GRIK1: variants seen among roughly 807,000 people sequenced by gnomAD.
GRIK1 encodes glutamate ionotropic receptor kainate type subunit 1.
In GRIK1, 69 loss-of-function variants were observed where a neutral mutation model predicts 105.7. The ratio of observed to expected loss-of-function variants is 0.65; its 90% CI spans 0.54 to 0.80. The LOEUF (loss-of-function observed/expected upper bound fraction) is 0.80, where lower values mean the gene tolerates loss of function less well. GRIK1 is among the 30% of genes least tolerant of loss of function. The pLI, the probability that GRIK1 is intolerant of heterozygous loss-of-function variation, is 0.00. For missense variants in GRIK1, 1,109 were observed against 1,167.3 expected, an observed-to-expected ratio of 0.95 and a Z score of 0.73; for synonymous variants, 438 against 431.3, an observed-to-expected ratio of 1.02 and a Z score of -0.19.
At chr21:29,670,239 C>T (rs759752307) in intron 4 of GRIK1, among the ~76,000 whole-genome samples, 1 of 152,154 alleles carries the variant, frequency 6.6e-6, no homozygotes, top group Non-Finnish European at 1.5e-5. Flanking sequence ...CCACTCTTAA[C>T]ACTAAAATGA....
intron 1 of GRIK1, among the ~76,000 whole-genome samples, chr21:29,915,613 A>G (rs1178701780): frequency 6.6e-6 from 1 of 152,022 alleles, no homozygotes; most frequent in Non-Finnish European, 1.5e-5. Flanking sequence ...TACTGCGGGA[A>G]CATGTTGTGA....
chr21:29,562,959 C>T (rs1193878756), intron 14 of GRIK1, among the ~76,000 whole-genome samples: 1 of 151,902 alleles, frequency 6.6e-6, no homozygotes, highest in African/African-American at 2.4e-5. Context: ...GAATAGTGAT[C>T]TATGATTAGA....
chr21:29,564,729 A>C (rs2090572320), intron 14 of GRIK1, among the ~76,000 whole-genome samples: 1 of 152,174 alleles, frequency 6.6e-6, no homozygotes, highest in South Asian at 2.1e-4. Flanking sequence ...AGGTCATACC[A>C]CCTGTGACTC....
At chr21:29,596,397 C>T in intron 9 of GRIK1, 129 bp downstream of exon 9, 2 of 779,540 alleles carry the variant, frequency 2.6e-6, no homozygotes, top group South Asian at 1.4e-5. Flanking sequence ...TCTCTCTTTA[C>T]ATGGAACTTC....
chr21:29,905,526 A>G (rs1602005537), intron 1 of GRIK1, among the ~76,000 whole-genome samples: 1 of 150,534 alleles, frequency 6.6e-6, no homozygotes, highest in Non-Finnish European at 1.5e-5. Context: ...GCTCTCTGCA[A>G]CCTCCGTCTC....
chr21:29,567,165 C>G (rs1218112138), intron 14 of GRIK1, among the ~76,000 whole-genome samples: 1 of 152,116 alleles, frequency 6.6e-6, no homozygotes. Context: ...ATATTGTTTC[C>G]TTTCCTTTAA....
intron 7 of GRIK1, among the ~76,000 whole-genome samples, chr21:29,634,270 G>T (rs1430197494): frequency 6.6e-6 from 1 of 152,150 alleles, no homozygotes; most frequent in African/African-American, 2.4e-5. Flanking sequence ...ATATTCAAAT[G>T]TATAATCTCC....
At chr21:29,730,486 G>A (rs903978116) in intron 1 of GRIK1, among the ~76,000 whole-genome samples, 2 of 152,136 alleles carry the variant, frequency 1.3e-5, no homozygotes, top group African/African-American at 4.8e-5. Context: ...GAAAATTTCT[G>A]AGAAACTGCA....
At chr21:29,690,014 G>A (rs754339687) in intron 2 of GRIK1, 29 bp from the exon 3 acceptor site, 26 of 1,565,944 alleles carry the variant, frequency 1.7e-5, no homozygotes, top group Non-Finnish European at 2.1e-5. Context: ...GAGAGGATGG[G>A]GAGGGAGGGC....
rs200496108 is a variant in GRIK1 at position 29,591,159 on chromosome 21, T to A, written c.1318A>T (p.Ile440Phe). ...TDSNKDKSSNITDSLANRTLI... is the reference protein window; with the variant it reads ...TDSNKDKSSNFTDSLANRTLI... ...GTTCTGTTGGCCAATGAATCAGTGA[T>A]ATTGCTGGACTTGTCTTTGTTGCTG... The change falls in exon 10 of 18, where the codon ATC (isoleucine) becomes TTC (phenylalanine). Residue 440 changes from isoleucine (I) to phenylalanine (F), a missense_variant. Ile to Phe is a conservative substitution (Grantham distance 21). Coordinates refer to ENST00000327783, the MANE Select transcript of GRIK1 (RefSeq NM_001330994.2). 3.2e-4 allele frequency: 511 copies of A among 1,611,358 alleles called. 4 individuals carry two copies. Among genetic ancestry groups the A allele is most frequent in the Admixed American group, 7.8e-4 (47 of 60,002 alleles).
intron 4 of GRIK1, among the ~76,000 whole-genome samples, chr21:29,656,009 A>T (rs2062840102): frequency 6.6e-6 from 1 of 152,130 alleles, no homozygotes; most frequent in Non-Finnish European, 1.5e-5. Context: ...CTTGGGATAG[A>T]TTACCAAAAT....
intron 7 of GRIK1, among the ~76,000 whole-genome samples, chr21:29,635,016 G>A (rs1055993888): frequency 6.6e-6 from 1 of 152,178 alleles, no homozygotes; most frequent in South Asian, 2.1e-4. Flanking sequence ...CTAGTTGGAG[G>A]CTATTTTAAC....
intron 1 of GRIK1, 84 bp downstream of exon 1, chr21:29,939,299 G>A (rs1281211830): frequency 7.6e-6 from 6 of 790,450 alleles, no homozygotes; most frequent in East Asian, 2.8e-5. Context: ...GCCGCCGCGC[G>A]CTGCCTCGCC....
chr21:29,586,988 G>C (rs895529080), intron 12 of GRIK1, among the ~76,000 whole-genome samples: 1 of 151,470 alleles, frequency 6.6e-6, no homozygotes, highest in Admixed American at 6.6e-5. Flanking sequence ...TTTATGTTTT[G>C]CTTATCCAAA....
intron 1 of GRIK1, among the ~76,000 whole-genome samples, chr21:29,695,298 C>A (rs2063673657): frequency 6.6e-6 from 1 of 152,164 alleles, no homozygotes; most frequent in Non-Finnish European, 1.5e-5. Context: ...ACAGTGGAAG[C>A]TTTCTTAACC....
chr21:29,790,990 C>G (rs1455995451), intron 1 of GRIK1, among the ~76,000 whole-genome samples: 1 of 152,048 alleles, frequency 6.6e-6, no homozygotes, highest in Non-Finnish European at 1.5e-5. Context: ...AGGGGGCCAA[C>G]TTTAAATTGG....
At chr21:29,686,684 T>C (rs1055179216) in intron 3 of GRIK1, among the ~76,000 whole-genome samples, 7 of 152,216 alleles carry the variant, frequency 4.6e-5, no homozygotes, top group African/African-American at 1.4e-4. Flanking sequence ...TGGAGTGGTT[T>C]TGACCAAGAC....
chr21:29,726,932 A>T (rs1411508242), intron 1 of GRIK1, among the ~76,000 whole-genome samples: 2 of 151,336 alleles, frequency 1.3e-5, no homozygotes, highest in Non-Finnish European at 2.9e-5. Context: ...ATTTATATAT[A>T]TTTTTTATTT....
rs769701953 is a variant in GRIK1 at position 29,561,735 on chromosome 21, C to T, written c.2245G>A (p.Ala749Thr). Residue 749 changes from alanine to threonine, a missense_variant, in exon 15 of 18, where the codon GCG (alanine) becomes ACG (threonine). Coordinates refer to ENST00000327783, the MANE Select transcript of GRIK1 (RefSeq NM_001330994.2). ...ATGCTGGTGGACTCCATCAGCAGCG[C>T]GTAGTCTGTGGTGAGCACTCTCTGG... Reference protein sequence around the residue: ...GIQRVLTTDYALLMESTSIEY... With the variant: ...GIQRVLTTDYTLLMESTSIEY... 10 of 1,613,630 alleles carry T rather than the reference C, an allele frequency of 6.2e-6. No individual in the cohort carries two copies. The highest frequency in any genetic ancestry group is 1.7e-4 in the Middle Eastern group (1 of 6,058).
Sources: allele counts gnomAD v4.1 joint callset (sites outside exome capture counted in the v4.1 genomes callset), GRCh38; gene constraint gnomAD v4.1.1; transcripts MANE v1.5; gene names NCBI Gene and HGNC (gene_info 2026-07-23, HGNC 2026-07-21).